The following PRKD3 variants were observed in gnomAD, a reference collection of about 807,000 sequenced individuals.
The protein encoded by PRKD3 is serine/threonine-protein kinase D3.
PRKD3 carries 47 observed loss-of-function variants against 99.2 expected under a neutral mutation model. That is an observed-to-expected ratio of 0.47 (90% CI 0.38 to 0.60). The LOEUF (loss-of-function observed/expected upper bound fraction) is 0.60, where lower values mean the gene tolerates loss of function less well. Ranked by LOEUF, PRKD3 falls within the 20% of genes least tolerant of loss-of-function variation. The pLI, the probability that PRKD3 is intolerant of heterozygous loss-of-function variation, is 0.00. For synonymous variants in PRKD3, 392 were observed against 355.4 expected (o/e 1.10, Z -1.16); for missense variants, 1,019 against 1,088.4 (o/e 0.94, Z 0.90).
chr2:37,289,766 T>A (rs1275224276), intron 4 of PRKD3, among the ~76,000 whole-genome samples: 3 of 152,138 alleles, frequency 2.0e-5, no homozygotes, highest in African/African-American at 7.2e-5. Flanking sequence ...TGGAAATTTG[T>A]TAGAAATGTA....
At chr2:37,289,774 G>A in intron 4 of PRKD3, among the ~76,000 whole-genome samples, 1 of 152,158 alleles carries the variant, frequency 6.6e-6, no homozygotes, top group East Asian at 1.9e-4. Context: ...TGTTAGAAAT[G>A]TAAATTACAA....
chr2:37,288,581 A>C (rs982546969), intron 5 of PRKD3, among the ~76,000 whole-genome samples: 1 of 152,228 alleles, frequency 6.6e-6, no homozygotes, highest in African/African-American at 2.4e-5. Context: ...GAAATGTACA[A>C]GGGAGTTATT....
chr2:37,264,506 AAGGT>A (rs1285304660), intron 14 of PRKD3, among the ~76,000 whole-genome samples: 1 of 112,350 alleles, frequency 8.9e-6, no homozygotes, highest in Non-Finnish European at 1.8e-5. Flanking sequence ...AAAAAGAGTT[AAGGT>A]AGGGGAGTGG....
chr2:37,251,880 G>GAAGA lies in PRKD3; in HGVS notation c.*1296_*1297insTCTT, dbSNP rs539258694. 2 of 137,000 alleles carry GAAGA rather than the reference G, an allele frequency of 1.5e-5. No individual in the cohort carries two copies. Among genetic ancestry groups the GAAGA allele is most frequent in the East Asian group, 4.1e-4 (2 of 4,890 alleles). The allele number at this position is 137,000 out of a possible 1,614,324, so 8.5% of individuals were successfully genotyped here. ...CTTTTACTTTTGTTAGAGTGGAGAAGAAAAAAAAAAAGGTTTACAATGATT... is the reference window on the plus strand; with the variant it reads ...CTTTTACTTTTGTTAGAGTGGAGAAGAAGAAAAAAAAAAAAGGTTTACAATGATT... On this transcript the variant is annotated 3_prime_UTR_variant, in exon 19 of 19. Transcript: ENST00000234179.
chr2:37,302,437 AATCT>A (rs2124872422), intron 2 of PRKD3, among the ~76,000 whole-genome samples: 1 of 152,352 alleles, frequency 6.6e-6, no homozygotes, highest in Non-Finnish European at 1.5e-5. Context: ...TTTAAAAAAT[AATCT>A]TTCTATAACC....
intron 2 of PRKD3, among the ~76,000 whole-genome samples, chr2:37,305,295 G>A (rs1474605254): frequency 6.6e-6 from 1 of 152,198 alleles, no homozygotes; most frequent in Non-Finnish European, 1.5e-5. Flanking sequence ...CAGGTCTAGT[G>A]TCACGTAAAT....
intron 7 of PRKD3, among the ~76,000 whole-genome samples, chr2:37,280,241 C>T (rs528231690): frequency 3.1e-4 from 47 of 151,550 alleles, no homozygotes; most frequent in Admixed American, 1.1e-3. Context: ...GATGGGGTTT[C>T]GCCATGTTGG....
In PRKD3 at chr2:37,251,789, T is replaced by G. The variant is rs1328574141; in HGVS notation, c.*1388A>C. The stretch of plus-strand genomic sequence containing the variant: ...CAGACTGAGGAACTGCCGACAGACC[T>G]GCCATCTGTCCAGGCCAACATAACT... On this transcript the variant is annotated 3_prime_UTR_variant, in exon 19 of 19. Transcript: ENST00000234179. The G allele has an allele frequency of 6.6e-6, 1 of 152,066 alleles. No homozygotes were observed. The highest frequency in any genetic ancestry group is 2.4e-5 in the African/African-American group (1 of 41,394). The allele number at this position is 152,066 out of a possible 1,614,324, so 9.4% of individuals were successfully genotyped here.
intron 12 of PRKD3, among the ~76,000 whole-genome samples, chr2:37,271,714 A>C (rs375644982): frequency 7.9e-5 from 12 of 152,170 alleles, no homozygotes; most frequent in African/African-American, 2.7e-4. Context: ...CCTTATGAGA[A>C]TCTGATGATC....
intron 2 of PRKD3, among the ~76,000 whole-genome samples, chr2:37,301,444 A>ATT: frequency 6.9e-6 from 1 of 145,686 alleles, no homozygotes; most frequent in South Asian, 2.2e-4. Flanking sequence ...TCTGGATTAC[A>ATT]TTTTTTTTTT....
intron 1 of PRKD3, among the ~76,000 whole-genome samples, chr2:37,323,640 T>A (rs1671976162): frequency 6.6e-6 from 1 of 151,884 alleles, no homozygotes; most frequent in Admixed American, 6.6e-5. Context: ...TGAAAATCGC[T>A]AAAAATGTAA....
chr2:37,289,409 G>C lies in PRKD3; in HGVS notation c.664C>G (p.Leu222Val), dbSNP rs1175826287. ...LSNVSLPGPG[L>V]SVPRPLQPEY... Reference sequence around the variant, plus strand: ...GGCTGTAGGGGTCTTGGAACTGAGAGGCCGGGTCCTGGTAAAGATACATTT... The same window carrying C: ...GGCTGTAGGGGTCTTGGAACTGAGACGCCGGGTCCTGGTAAAGATACATTT... Residue 222 changes from leucine (L) to valine (V), a missense_variant, in exon 5 of 19, where the codon CTC becomes GTC. This residue lies in a region of PRKD3 where 710 missense variants were observed against 692.7 expected (regional missense o/e 1.02). Transcript: ENST00000234179. 1.9e-6 allele frequency: 3 copies of C among 1,613,970 alleles called. No individual in the cohort carries two copies. The highest frequency in any genetic ancestry group is 2.7e-5 in the African/African-American group (2 of 74,888).
chr2:37,309,804 C>T (rs924253528), intron 2 of PRKD3, among the ~76,000 whole-genome samples: 1 of 146,936 alleles, frequency 6.8e-6, no homozygotes, highest in Admixed American at 7.0e-5. Context: ...GCCGAGATCG[C>T]GCCACTGCAT....
At chr2:37,324,351 G>A (rs1236255852) in intron 1 of PRKD3, 2 of 420,182 alleles carry the variant, frequency 4.8e-6, no homozygotes, top group East Asian at 1.6e-4. Flanking sequence ...GTGGTCTCCA[G>A]CGGAGCGCGA....
chr2:37,266,804 C>T (rs951965488), intron 14 of PRKD3, among the ~76,000 whole-genome samples: 3 of 152,018 alleles, frequency 2.0e-5, no homozygotes, highest in South Asian at 2.1e-4. Flanking sequence ...AGCTATTATA[C>T]GACCATGATT....
In PRKD3 at chr2:37,256,799, A is replaced by G. The variant is rs1176971941; in HGVS notation, c.2276T>C (p.Met759Thr). 6 of 1,614,026 alleles carry G rather than the reference A, an allele frequency of 3.7e-6. No homozygotes were observed. The highest frequency in any genetic ancestry group is 5.1e-6 in the Non-Finnish European group (6 of 1,179,992). ...RSKGYNRSLD[M>T]WSVGVIIYVS... ...ATAGATGATAACTCCCACTGACCAC[A>G]TATCTAGGGAACGGTTGTAACCTTT... The change falls in exon 17 of 19, where the codon ATG (methionine) becomes ACG (threonine). Residue 759 changes from methionine (M) to threonine (T), a missense_variant. Coordinates refer to ENST00000234179, the MANE Select transcript of PRKD3 (RefSeq NM_005813.6).
At chr2:37,313,588 A>T (rs1036105954) in intron 2 of PRKD3, among the ~76,000 whole-genome samples, 11 of 152,244 alleles carry the variant, frequency 7.2e-5, no homozygotes, top group African/African-American at 2.7e-4. Flanking sequence ...ATGCAAGCTA[A>T]AAAAATCCTA....
At chr2:37,288,935 T>C (rs1369249926) in intron 5 of PRKD3, among the ~76,000 whole-genome samples, 1 of 151,914 alleles carries the variant, frequency 6.6e-6, no homozygotes, top group Non-Finnish European at 1.5e-5. Flanking sequence ...GCATCTGTAA[T>C]CCCCGCTACT....
intron 14 of PRKD3, among the ~76,000 whole-genome samples, chr2:37,267,141 A>C (rs1389525409): frequency 6.6e-6 from 1 of 152,210 alleles, no homozygotes; most frequent in Admixed American, 6.5e-5. Context: ...CACCTGTGAA[A>C]ACTGGATGGG....
Sources: gnomAD v4.1 joint callset for allele counts (sites outside exome capture counted in the v4.1 genomes callset) on GRCh38, gnomAD v4.1.1 for gene constraint, gnomAD v4.1.1 regional missense constraint, MANE v1.5 for transcripts, NCBI Gene and HGNC (gene_info 2026-07-23, HGNC 2026-07-21) for gene names.